The following BANP variants were observed in gnomAD, a reference collection of about 807,000 sequenced individuals.
The protein encoded by BANP is BTG3 associated nuclear protein.
BANP carries 11 observed loss-of-function variants against 68.1 expected under a neutral mutation model. The observed-to-expected ratio is 0.16, with a 90% CI of 0.10 to 0.27. The LOEUF (loss-of-function observed/expected upper bound fraction) is 0.27. Among genes scored for constraint, BANP ranks in the 10% least tolerant of loss-of-function variants. The pLI, the probability that BANP is intolerant of heterozygous loss-of-function variation, is 1.00. For missense variants in BANP, 504 were observed against 722.7 expected, an observed-to-expected ratio of 0.70 and a Z score of 3.47; for synonymous variants, 329 against 303.2, an observed-to-expected ratio of 1.09 and a Z score of -0.88.
Position 88,072,265 on chromosome 16 carries a change from C to T in BANP, c.1521+53C>T, listed in dbSNP as rs148266591. Reference sequence around the variant, plus strand: ...CTGAAGTGATGGCATGGCCGCCTGCCGCTGCCACCGGGCACACGTGGCCCC... The same window carrying T: ...CTGAAGTGATGGCATGGCCGCCTGCTGCTGCCACCGGGCACACGTGGCCCC... On this transcript the variant is annotated intron_variant, in intron 13 of 13. Coordinates refer to ENST00000682872, the MANE Select transcript of BANP (RefSeq NM_001386991.1). The T allele has an allele frequency of 9.2e-4, 1,435 of 1,555,246 alleles. 3 individuals are homozygous for T. The highest frequency in any genetic ancestry group is 1.7e-3 in the Admixed American group (89 of 53,524).
At chr16:87,965,196 A>G (rs2059813018) in intron 1 of BANP, among the ~76,000 whole-genome samples, 1 of 151,992 alleles carries the variant, frequency 6.6e-6, no homozygotes, top group African/African-American at 2.4e-5. Context: ...CAGCGTGGGG[A>G]GGAGCCGGAA....
At chr16:87,951,335 C>G (rs946048381), upstream of BANP, 4 of 152,138 alleles carry the variant, frequency 2.6e-5, no homozygotes, top group African/African-American at 4.8e-5. Context: ...GCTGGCCTCA[C>G]TGCCACAGGG....
intron 11 of BANP, among the ~76,000 whole-genome samples, chr16:88,046,451 C>T (rs747918402): frequency 1.1e-4 from 17 of 152,156 alleles, no homozygotes; most frequent in Non-Finnish European, 2.5e-4. Context: ...ATAACGTGGA[C>T]GTGCTCTAGT....
chr16:88,065,314 CA>C lies in BANP; in HGVS notation c.1362del (p.Ala455ProfsTer12). ...IPCLLAPSVF[K>X]ASSGQVLQGA... is the part of the protein sequence containing the mutation. ...CCTGCCTCCTGGCCCCATCCGTCTT[CA>C]AAGCCAGCAGTGGCCAGGTGAGTCC... On this transcript the variant is annotated frameshift_variant, in exon 12 of 14. Transcript: ENST00000682872. LOFTEE classifies it high-confidence loss of function. 2 of 770,578 alleles carry C rather than the reference CA, an allele frequency of 2.6e-6. No individual in the cohort carries two copies. The highest frequency in any genetic ancestry group is 4.8e-6 in the Non-Finnish European group (2 of 417,862). The allele number at this position is 770,578 out of a possible 1,614,324, so 47.7% of individuals were successfully genotyped here. A position where few individuals can be genotyped will look rare whatever the true frequency, so the allele number is the denominator to read the frequency against.
intron 11 of BANP, among the ~76,000 whole-genome samples, chr16:88,056,017 T>C (rs2084910568): frequency 6.6e-6 from 1 of 152,248 alleles, no homozygotes; most frequent in Admixed American, 6.5e-5. Context: ...GCATGCCTCC[T>C]GCTGCCTTGC....
intron 6 of BANP, among the ~76,000 whole-genome samples, chr16:88,010,032 T>C (rs928846118): frequency 6.6e-6 from 1 of 152,258 alleles, no homozygotes; most frequent in African/African-American, 2.4e-5. Context: ...AGTTCCTGAC[T>C]GTTGAAAGCA....
At chr16:87,976,708 A>G (rs1218192574) in intron 2 of BANP, among the ~76,000 whole-genome samples, 1 of 152,084 alleles carries the variant, frequency 6.6e-6, no homozygotes, top group African/African-American at 2.4e-5. Flanking sequence ...AGTCGAGAAA[A>G]CTACCTTTGG....
At chr16:88,016,294 G>A (rs1385765389) in intron 6 of BANP, among the ~76,000 whole-genome samples, 3 of 152,170 alleles carry the variant, frequency 2.0e-5, no homozygotes, top group Non-Finnish European at 4.4e-5. Context: ...GAGCCGCCTC[G>A]GCCACTGTCC....
chr16:88,015,544 C>T (rs1190907207), intron 6 of BANP, among the ~76,000 whole-genome samples: 6 of 152,216 alleles, frequency 3.9e-5, no homozygotes, highest in Admixed American at 6.5e-5. Context: ...TGCTGCTCCC[C>T]GCTCTGGAAT....
intron 4 of BANP, among the ~76,000 whole-genome samples, chr16:87,997,486 G>C (rs756900319): frequency 1.8e-4 from 27 of 152,348 alleles, no homozygotes; most frequent in Admixed American, 9.1e-4. Context: ...TGGTAAAGTG[G>C]GTAAAATAGC....
chr16:88,005,663 G>T (rs7404264), intron 5 of BANP, among the ~76,000 whole-genome samples: 150,830 of 152,286 alleles, frequency 0.99, 74,705 homozygotes, highest in East Asian at 1. Flanking sequence ...CATTGCGAGG[G>T]GGAGCCATCT....
At chr16:87,979,452 G>A (rs1458397948) in intron 2 of BANP, among the ~76,000 whole-genome samples, 1 of 151,982 alleles carries the variant, frequency 6.6e-6, no homozygotes, top group East Asian at 1.9e-4. Context: ...TCCAGGAACG[G>A]CTTCCCGAAC....
Position 88,052,341 on chromosome 16 carries a change from G to T in BANP, c.1312-12926G>T, listed in dbSNP as rs537636797. 6.4e-4 allele frequency among the ~76,000 whole-genome samples: 97 copies of T among 152,248 alleles called. No homozygotes were observed. In the Middle Eastern group the frequency reaches 0.01, roughly 16 times the overall value. ...GGCCCCTCTCTGAAGTTAGAGACTTGCTTTCTCCTATGTCTTCACCTGTCT... is the reference window on the plus strand; with the variant it reads ...GGCCCCTCTCTGAAGTTAGAGACTTTCTTTCTCCTATGTCTTCACCTGTCT... On this transcript the variant is annotated intron_variant, in intron 11 of 13. Coordinates refer to ENST00000682872, the MANE Select transcript of BANP (RefSeq NM_001386991.1).
chr16:87,999,049 T>A (rs1305182113), intron 4 of BANP, among the ~76,000 whole-genome samples: 5 of 132,256 alleles, frequency 3.8e-5, no homozygotes, highest in Non-Finnish European at 3.2e-5. Context: ...TGTACTTACC[T>A]GTCCTTCCAG....
At chr16:88,070,308 A>T (rs1031471098) in intron 12 of BANP, among the ~76,000 whole-genome samples, 2 of 152,098 alleles carry the variant, frequency 1.3e-5, no homozygotes, top group African/African-American at 2.4e-5. Flanking sequence ...ACAATGAATT[A>T]ATCCCTGGGA....
intron 8 of BANP, among the ~76,000 whole-genome samples, chr16:88,030,415 T>G (rs976834308): frequency 6.6e-6 from 1 of 152,194 alleles, no homozygotes; most frequent in Non-Finnish European, 1.5e-5. Context: ...TGAGGAGAGT[T>G]GTTGCCAGGC....
chr16:88,029,584 CT>C (rs1004398794), intron 8 of BANP, among the ~76,000 whole-genome samples: 6 of 146,900 alleles, frequency 4.1e-5, no homozygotes, highest in African/African-American at 1.5e-4. Flanking sequence ...GCACTCCAGC[CT>C]GGGCTACAGA....
Position 88,071,374 on chromosome 16 carries a change from G to GC in BANP, c.1378-693dup, listed in dbSNP as rs1221809436. 1 of 414,758 alleles carries GC rather than the reference G, an allele frequency of 2.4e-6. No individual in the cohort carries two copies. The highest frequency in any genetic ancestry group is 7.1e-5 in the East Asian group (1 of 14,020). The allele number at this position is 414,758 out of a possible 1,614,324, so 25.7% of individuals were successfully genotyped here. A position where few individuals can be genotyped will look rare whatever the true frequency, so the allele number is the denominator to read the frequency against. ...GCCCAGTGGATTGAGTGGGAAGTGG[G>GC]CCTGGGTGCTTACAGGCGATGGGGT... is the stretch of plus-strand genomic sequence containing the variant. On this transcript the variant is annotated intron_variant, in intron 12 of 13. Coordinates refer to ENST00000682872, the MANE Select transcript of BANP (RefSeq NM_001386991.1). The surrounding 1 kb of genome is among the most constrained non-coding windows in gnomAD (Gnocchi z 6.5).
chr16:88,063,180 A>G (rs2087380120), intron 11 of BANP, among the ~76,000 whole-genome samples: 3 of 152,224 alleles, frequency 2.0e-5, no homozygotes, highest in Admixed American at 2.0e-4. Flanking sequence ...CTGTGCCTTC[A>G]TTTCTGCGTG....
Sources: gnomAD v4.1 joint callset for allele counts (sites outside exome capture counted in the v4.1 genomes callset) on GRCh38, gnomAD v4.1.1 for gene constraint, Gnocchi (gnomAD v3.1) non-coding constraint, MANE v1.5 for transcripts, NCBI Gene and HGNC (gene_info 2026-07-23, HGNC 2026-07-21) for gene names.